Variants in HS1BP3 observed in about 807,000 individuals in gnomAD.
The protein encoded by HS1BP3 is HCLS1 binding protein 3.
HS1BP3 carries 32 observed loss-of-function variants against 33.5 expected under a neutral mutation model. The observed-to-expected ratio is 0.95, with a 90% CI of 0.72 to 1.28. HS1BP3 has a LOEUF of 1.28. Ranked by LOEUF, HS1BP3 falls within the 50% of genes most tolerant of loss-of-function variation. The probability of loss-of-function intolerance (pLI) is 0.00; values close to 1 mark genes in which losing one functional copy is unlikely to be tolerated. For synonymous variants in HS1BP3, 187 were observed against 209.2 expected, an observed-to-expected ratio of 0.89 and a Z score of 0.92; for missense variants, 486 against 502.3, an observed-to-expected ratio of 0.97 and a Z score of 0.31.
At chr2:20,641,384 G>C (rs1411009473) in intron 2 of HS1BP3, among the ~76,000 whole-genome samples, 1 of 152,158 alleles carries the variant, frequency 6.6e-6, no homozygotes, top group East Asian at 1.9e-4. Flanking sequence ...AAACATCTTA[G>C]TGGCCCAGAG....
downstream of HS1BP3, among the ~76,000 whole-genome samples, chr2:20,614,395 T>C (rs1694376282): frequency 6.6e-6 from 1 of 152,134 alleles, no homozygotes; most frequent in Non-Finnish European, 1.5e-5. Flanking sequence ...AAACTGTCCA[T>C]GCTGGCAGGT....
intron 6 of HS1BP3, among the ~76,000 whole-genome samples, chr2:20,621,799 C>T (rs778565620): frequency 1.3e-5 from 2 of 152,244 alleles, no homozygotes; most frequent in Non-Finnish European, 2.9e-5. Flanking sequence ...TGGTCAGCCA[C>T]GGTGGGAGGC....
At chr2:20,571,207 C>T (rs1394271323) in intron 5 of HS1BP3, among the ~76,000 whole-genome samples, 1 of 152,190 alleles carries the variant, frequency 6.6e-6, no homozygotes, top group South Asian at 2.1e-4. Context: ...GGTACCCCAG[C>T]ACCCCCTTCC....
At chr2:20,646,390 C>T (rs1695520574) in intron 1 of HS1BP3, among the ~76,000 whole-genome samples, 1 of 152,172 alleles carries the variant, frequency 6.6e-6, no homozygotes, top group African/African-American at 2.4e-5. Flanking sequence ...GGGGCAAGGC[C>T]CTTCCCTCTC....
In HS1BP3 at chr2:20,638,346, G is replaced by A. The variant is rs866876580; in HGVS notation, c.623+90C>T. 82 of 1,324,352 alleles carry A rather than the reference G, an allele frequency of 6.2e-5. No individual in the cohort carries two copies. In the African/African-American group the frequency reaches 9.9e-4, roughly 16 times the overall value. The allele number at this position is 1,324,352 out of a possible 1,614,324, so 82.0% of individuals were successfully genotyped here. On this transcript the variant is annotated intron_variant, in intron 4 of 6. Coordinates refer to ENST00000304031, the MANE Select transcript of HS1BP3 (RefSeq NM_022460.4). ...GCGAGGGGGCGACCTGGGATGCTCAGGGCTTTTCTCAGATTCCAGGGAAGG... is the reference window on the plus strand; with the variant it reads ...GCGAGGGGGCGACCTGGGATGCTCAAGGCTTTTCTCAGATTCCAGGGAAGG...
intron 5 of HS1BP3, among the ~76,000 whole-genome samples, chr2:20,582,897 C>T (rs1693568833): frequency 6.6e-6 from 1 of 152,150 alleles, no homozygotes; most frequent in African/African-American, 2.4e-5. Flanking sequence ...TCAGAGCCTC[C>T]AGTGCCTACA....
chr2:20,621,198 C>T, intron 6 of HS1BP3, among the ~76,000 whole-genome samples: 1 of 152,198 alleles, frequency 6.6e-6, no homozygotes, highest in Non-Finnish European at 1.5e-5. Flanking sequence ...CCTGGCACTA[C>T]CAGAGAGCCT....
intron 3 of HS1BP3, 56 bp from the exon 4 acceptor site, chr2:20,638,708 G>T: frequency 7.1e-7 from 1 of 1,402,784 alleles, no homozygotes; most frequent in South Asian, 1.3e-5. Flanking sequence ...GCCAGGGGAG[G>T]CATCTTGCCA....
chr2:20,617,188 G>A (rs1293874373), downstream of HS1BP3, among the ~76,000 whole-genome samples: 1 of 152,180 alleles, frequency 6.6e-6, no homozygotes, highest in Non-Finnish European at 1.5e-5. Flanking sequence ...CCAGAGGAGA[G>A]CTGGAGCCAC....
chr2:20,574,286 C>G (rs927164516), intron 5 of HS1BP3, among the ~76,000 whole-genome samples: 1 of 152,172 alleles, frequency 6.6e-6, no homozygotes, highest in African/African-American at 2.4e-5. Flanking sequence ...AGAACAAGCT[C>G]TTAGTTATCT....
chr2:20,580,290 G>A (rs889324359), intron 5 of HS1BP3, among the ~76,000 whole-genome samples: 2 of 152,202 alleles, frequency 1.3e-5, no homozygotes, highest in Non-Finnish European at 2.9e-5. Context: ...AGGCCGAGGC[G>A]GGTGGATTGC....
At chr2:20,625,147 G>A (rs1694738945) in intron 4 of HS1BP3, among the ~76,000 whole-genome samples, 1 of 152,232 alleles carries the variant, frequency 6.6e-6, no homozygotes, top group African/African-American at 2.4e-5. Flanking sequence ...CCATCCCAGG[G>A]GAGAAAAGCA....
chr2:20,622,872 A>G (rs1694650358), intron 6 of HS1BP3: 1 of 156,058 alleles, frequency 6.4e-6, no homozygotes, highest in East Asian at 1.9e-4. Flanking sequence ...GGGACATGTA[A>G]ATACCAGAAG....
intron 5 of HS1BP3, 59 bp downstream of exon 5, chr2:20,624,673 C>T: frequency 1.3e-6 from 2 of 1,504,184 alleles, no homozygotes; most frequent in Non-Finnish European, 1.8e-6. Context: ...CAGACCCTGC[C>T]TGGTGATGGG....
intron 2 of HS1BP3, among the ~76,000 whole-genome samples, chr2:20,642,454 A>G (rs1017547775): frequency 6.6e-5 from 10 of 152,198 alleles, no homozygotes; most frequent in Non-Finnish European, 1.5e-4. Context: ...ACTTTCCTGA[A>G]AACAGCCCTC....
chr2:20,630,450 G>A (rs1002361510), intron 4 of HS1BP3, among the ~76,000 whole-genome samples: 3 of 152,114 alleles, frequency 2.0e-5, no homozygotes, highest in South Asian at 2.1e-4. Context: ...TAATTTTTTT[G>A]TCGAGATGGA....
chr2:20,576,819 AG>A, intron 5 of HS1BP3, among the ~76,000 whole-genome samples: 1 of 152,298 alleles, frequency 6.6e-6, no homozygotes, highest in Non-Finnish European at 1.5e-5. Flanking sequence ...TTATCACCAG[AG>A]GGACTATGCA....
chr2:20,593,985 T>A (rs949184773), intron 3 of HS1BP3, among the ~76,000 whole-genome samples: 11 of 152,260 alleles, frequency 7.2e-5, no homozygotes, highest in African/African-American at 2.4e-4. Context: ...CGTGGGCTTC[T>A]TGCCATGTCT....
intron 2 of HS1BP3, among the ~76,000 whole-genome samples, chr2:20,604,618 T>C (rs971233707): frequency 3.9e-5 from 6 of 152,180 alleles, no homozygotes; most frequent in Non-Finnish European, 8.8e-5. Context: ...AGACATTGAT[T>C]ACCCTTTTTA....
Sources: gnomAD v4.1 joint callset for allele counts (sites outside exome capture counted in the v4.1 genomes callset) on GRCh38, gnomAD v4.1.1 for gene constraint, MANE v1.5 for transcripts, NCBI Gene and HGNC (gene_info 2026-07-23, HGNC 2026-07-21) for gene names.